HMGN3: variants seen among roughly 807,000 people sequenced by gnomAD.
The protein encoded by HMGN3 is high mobility group nucleosome-binding domain-containing protein 3.
A neutral mutation model predicts 18.8 loss-of-function variants in HMGN3; 6 were observed. The ratio of observed to expected loss-of-function variants is 0.32; its 90% CI spans 0.18 to 0.63. HMGN3 has a LOEUF of 0.63. HMGN3 is among the 30% of genes least tolerant of loss of function. The probability of loss-of-function intolerance (pLI) is 0.79; values close to 1 mark genes in which losing one functional copy is unlikely to be tolerated. For synonymous variants in HMGN3, 40 were observed against 36.5 expected, an observed-to-expected ratio of 1.10 and a Z score of -0.35; for missense variants, 107 against 114.2, an observed-to-expected ratio of 0.94 and a Z score of 0.29.
intron 2 of HMGN3, among the ~76,000 whole-genome samples, chr6:79,213,157 T>G (rs1359219824): frequency 6.8e-6 from 1 of 146,942 alleles, no homozygotes; most frequent in Non-Finnish European, 1.5e-5. Flanking sequence ...GGAGAATCAC[T>G]TGAGCCAGGG....
At chr6:79,218,264 CT>C (rs1777097150) in intron 1 of HMGN3, among the ~76,000 whole-genome samples, 1 of 151,876 alleles carries the variant, frequency 6.6e-6, no homozygotes, top group Non-Finnish European at 1.5e-5. Flanking sequence ...GATTTTAAGA[CT>C]TAAAAATAAT....
exon 5 of HMGN3, chr6:79,202,318 T>C (rs1776178748): frequency 1.2e-6 from 2 of 1,614,044 alleles, no homozygotes. Flanking sequence ...GTGCAGTACC[T>C]TCCTTTCCAG....
chr6:79,203,659 ACT>A, intron 3 of HMGN3, 29 bp from the exon 4 acceptor site: 1 of 1,402,822 alleles, frequency 7.1e-7, no homozygotes, highest in African/African-American at 2.1e-5. Context: ...TTACACAAAT[ACT>A]GAAAAAAAAA....
intron 1 of HMGN3, among the ~76,000 whole-genome samples, chr6:79,222,734 G>A (rs1243255296): frequency 1.3e-5 from 2 of 152,080 alleles, no homozygotes; most frequent in African/African-American, 4.8e-5. Context: ...TCAAACTTAC[G>A]TTAAATTTAT....
chr6:79,207,170 G>A (rs1776461636), intron 3 of HMGN3, among the ~76,000 whole-genome samples: 2 of 152,176 alleles, frequency 1.3e-5, no homozygotes, highest in African/African-American at 4.8e-5. Context: ...AGATTTGGGG[G>A]ACTGTTGGGA....
chr6:79,202,588 G>C lies in HMGN3; in HGVS notation c.148-199C>G, dbSNP rs114233753. Among the ~76,000 whole-genome samples, 318 of 152,298 alleles carry C rather than the reference G, an allele frequency of 2.1e-3. 2 individuals are homozygous for C. Among genetic ancestry groups the C allele is most frequent in the African/African-American group, 6.8e-3 (284 of 41,550 alleles). On this transcript the variant is annotated intron_variant, in intron 4 of 5. Coordinates refer to ENST00000344726, the Ensembl canonical transcript of HMGN3. ...AAATATGAGTCTCTGTGAAAATGTA[G>C]TAACAGGTTGCACAGAAAGTCCAGT...
chr6:79,222,530 A>C (rs1777352818), intron 1 of HMGN3, among the ~76,000 whole-genome samples: 1 of 152,174 alleles, frequency 6.6e-6, no homozygotes, highest in Non-Finnish European at 1.5e-5. Context: ...CTTAAATTCA[A>C]ATACTTCTAT....
At chr6:79,223,739 CTTTTT>C (rs11461795) in intron 1 of HMGN3, among the ~76,000 whole-genome samples, 1 of 147,482 alleles carries the variant, frequency 6.8e-6, no homozygotes, top group Non-Finnish European at 1.5e-5. Context: ...CTAGAGTTAC[CTTTTT>C]TTTTTTTTAT....
intron 1 of HMGN3, among the ~76,000 whole-genome samples, chr6:79,227,268 T>C (rs542020833): frequency 6.6e-6 from 1 of 152,262 alleles, no homozygotes; most frequent in East Asian, 1.9e-4. Flanking sequence ...CATTTTTTTT[T>C]CCATTAGAAA....
intron 1 of HMGN3, 90 bp downstream of exon 1, chr6:79,234,456 C>G: frequency 7.7e-7 from 1 of 1,296,192 alleles, no homozygotes; most frequent in Non-Finnish European, 1.1e-6. Context: ...GGGTTACTAC[C>G]GCGCGCGTTC....
intron 3 of HMGN3, among the ~76,000 whole-genome samples, chr6:79,207,454 C>T (rs1582404496): frequency 6.6e-6 from 1 of 152,266 alleles, no homozygotes; most frequent in East Asian, 1.9e-4. Context: ...TGCTGCCATC[C>T]ACATAAGATG....
At chr6:79,216,958 A>T (rs1777019173) in intron 1 of HMGN3, among the ~76,000 whole-genome samples, 1 of 152,234 alleles carries the variant, frequency 6.6e-6, no homozygotes, top group Non-Finnish European at 1.5e-5. Context: ...AGCTATTATA[A>T]GAAAAACTGA....
Position 79,201,724 on chromosome 6 carries a change from T to C in HMGN3, c.264A>G (p.Ala88=), listed in dbSNP as rs1476559032. ...CGTTATCTACAGATTCAGTTTTCTG[T>C]GCCTGTGAAAAAGAAAGGAAAAAAA... The change falls in exon 6 of 6, where the codon GCA becomes GCG. Residue 88 remains alanine (A), a splice_region_variant and synonymous_variant. Coordinates refer to ENST00000344726, the Ensembl canonical transcript of HMGN3. 26 of 1,605,356 alleles carry C rather than the reference T, an allele frequency of 1.6e-5. No homozygotes were observed. The highest frequency in any genetic ancestry group is 2.1e-5 in the Non-Finnish European group (25 of 1,175,132).
chr6:79,205,518 T>C lies in HMGN3; in HGVS notation c.97-1888A>G, dbSNP rs140568526. The stretch of plus-strand genomic sequence containing the variant: ...TAAGACATAATTTGCTCCTTTTGTC[T>C]TTCTCCATGATTGTGAGCCTTCCCC... On this transcript the variant is annotated intron_variant, in intron 3 of 5. Transcript: ENST00000344726. Among the ~76,000 whole-genome samples the C allele has an allele frequency of 2.4e-3, 371 of 152,364 alleles. 4 individuals carry two copies. The highest frequency in any genetic ancestry group is 8.6e-3 in the African/African-American group (356 of 41,586).
chr6:79,201,276 C>T (rs1561978777), exon 6 of HMGN3: 1 of 163,292 alleles, frequency 6.1e-6, no homozygotes, highest in African/African-American at 2.4e-5. Flanking sequence ...TTATTTTAAA[C>T]CACAAATAGT....
intron 2 of HMGN3, among the ~76,000 whole-genome samples, chr6:79,214,172 G>T (rs1158245418): frequency 6.7e-6 from 1 of 150,088 alleles, no homozygotes; most frequent in African/African-American, 2.5e-5. Context: ...TTAATATTTT[G>T]ACATATTGTG....
intron 3 of HMGN3, among the ~76,000 whole-genome samples, chr6:79,207,556 C>T (rs1375994245): frequency 6.6e-6 from 1 of 152,176 alleles, no homozygotes; most frequent in Non-Finnish European, 1.5e-5. Context: ...TTGTAAAATG[C>T]CCAGTCTTGA....
At chr6:79,230,439 A>G (rs1368567027) in intron 1 of HMGN3, among the ~76,000 whole-genome samples, 3 of 152,240 alleles carry the variant, frequency 2.0e-5, no homozygotes, top group African/African-American at 7.2e-5. Flanking sequence ...TAAGTAGATT[A>G]TACTCAATAA....
intron 1 of HMGN3, chr6:79,233,671 T>C (rs1777973440): frequency 6.6e-6 from 1 of 152,138 alleles, no homozygotes; most frequent in Admixed American, 6.5e-5. Flanking sequence ...TGTCCCTGAA[T>C]GTAGTAGTTG....
Sources: allele counts gnomAD v4.1 joint callset (sites outside exome capture counted in the v4.1 genomes callset), GRCh38; gene constraint gnomAD v4.1.1; transcripts MANE v1.5; gene names NCBI Gene and HGNC (gene_info 2026-07-23, HGNC 2026-07-21).